MGAT5: variants seen among roughly 807,000 people sequenced by gnomAD.
MGAT5 encodes alpha-1,6-mannosylglycoprotein 6-beta-N-acetylglucosaminyltransferase, also known as alpha-1,6-mannosylglycoprotein 6-beta-N-acetylglucosaminyltransferase A.
MGAT5 carries 30 observed loss-of-function variants against 94.3 expected under a neutral mutation model. The observed-to-expected ratio is 0.32, with a 90% CI of 0.24 to 0.43. MGAT5 has a LOEUF of 0.43. Among genes scored for constraint, MGAT5 ranks in the 20% least tolerant of loss-of-function variants. MGAT5 has a pLI of 1.00. For synonymous variants in MGAT5, 310 were observed against 322.9 expected (o/e 0.96, Z 0.43); for missense variants, 691 against 905.5 (o/e 0.76, Z 3.04).
chr2:134,150,063 G>A (rs901921416), intron 1 of MGAT5, among the ~76,000 whole-genome samples: 1 of 152,142 alleles, frequency 6.6e-6, no homozygotes, highest in Non-Finnish European at 1.5e-5. Context: ...TGTATACAGG[G>A]GTCAGCTGGT....
chr2:134,188,021 G>A (rs553739379), intron 1 of MGAT5, among the ~76,000 whole-genome samples: 1 of 152,328 alleles, frequency 6.6e-6, no homozygotes, highest in African/African-American at 2.4e-5. Context: ...AGTGAAATTT[G>A]TCACTTTTAT....
intron 10 of MGAT5, among the ~76,000 whole-genome samples, chr2:134,372,251 G>A (rs764996124): frequency 3.9e-5 from 6 of 152,136 alleles, no homozygotes; most frequent in Non-Finnish European, 7.3e-5. Flanking sequence ...TTTTACCTCG[G>A]TTGCATCCAG....
At chr2:134,190,547 C>T (rs930948076) in intron 1 of MGAT5, among the ~76,000 whole-genome samples, 1 of 152,214 alleles carries the variant, frequency 6.6e-6, no homozygotes. Context: ...ACTAGCATTA[C>T]TCCAAAGGAC....
At chr2:134,308,372 G>A (rs7573104) in intron 2 of MGAT5, among the ~76,000 whole-genome samples, 86,101 of 152,014 alleles carry the variant, frequency 0.57, 26,642 homozygotes, top group Non-Finnish European at 0.69. Flanking sequence ...TAATCCAGTA[G>A]TGAGCAGTCC....
rs990567259 is a variant in MGAT5, at chr2:134,268,573, A to G, written c.242-1813A>G. ...GCAGACCGCAGAGGAGAGTGCTCTC[A>G]TGACCCCTTGGATAAAGCAGTGAAG... On this transcript the variant is annotated intron_variant, in intron 1 of 15. Coordinates refer to ENST00000281923, the MANE Select transcript of MGAT5 (RefSeq NM_002410.5). This position sits in a 1 kb window ranked among gnomAD's most constrained non-coding sequence, Gnocchi z 4.1. Among the ~76,000 whole-genome samples the G allele has an allele frequency of 6.6e-6, 1 of 152,218 alleles. No individual in the cohort carries two copies. The highest frequency in any genetic ancestry group is 2.4e-5 in the African/African-American group (1 of 41,456).
chr2:134,432,762 A>G (rs1684954055), intron 14 of MGAT5, among the ~76,000 whole-genome samples: 1 of 152,206 alleles, frequency 6.6e-6, no homozygotes, highest in Non-Finnish European at 1.5e-5. Context: ...TCTTCTGAGA[A>G]ATAGGGATAA....
At position 134,296,598 on chromosome 2, in the gene MGAT5, T is replaced by C. The variant is rs1685688370; in HGVS notation, c.407-20931T>C. ...ACTTTCCTTAGTCTTATAAAGTACA[T>C]AAGAGACAGTAAAAAATAGAAAATC... On this transcript the variant is annotated intron_variant, in intron 2 of 15. Coordinates refer to ENST00000281923, the MANE Select transcript of MGAT5 (RefSeq NM_002410.5). Among the ~76,000 whole-genome samples the C allele has an allele frequency of 3.3e-5, 5 of 152,252 alleles. No homozygotes were observed. The South Asian group carries it at 8.3e-4, about 25-fold the overall frequency.
chr2:134,244,325 T>A (rs930321656), intron 1 of MGAT5, among the ~76,000 whole-genome samples: 65 of 151,962 alleles, frequency 4.3e-4, no homozygotes, highest in African/African-American at 1.6e-3. Flanking sequence ...TTAATGGCTG[T>A]CTGATGAAGC....
In MGAT5 at chr2:134,441,934, G is replaced by C. The variant is rs575511196; in HGVS notation, c.2027+19G>C. 1.9e-6 allele frequency: 3 copies of C among 1,608,498 alleles called. No individual in the cohort carries two copies. Among genetic ancestry groups the C allele is most frequent in the African/African-American group, 1.3e-5 (1 of 74,924 alleles). Reference sequence around the variant, plus strand: ...TGCTGAAGTAAGTGCCCTGGGGTGGGGGTGGGGACTCAGCCCCTAGACTCC... The same window carrying C: ...TGCTGAAGTAAGTGCCCTGGGGTGGCGGTGGGGACTCAGCCCCTAGACTCC... On this transcript the variant is annotated intron_variant, in intron 15 of 15. Coordinates refer to ENST00000281923, the MANE Select transcript of MGAT5 (RefSeq NM_002410.5).
intron 1 of MGAT5, among the ~76,000 whole-genome samples, chr2:134,247,268 C>G (rs1236474979): frequency 6.8e-6 from 1 of 146,108 alleles, no homozygotes; most frequent in Non-Finnish European, 1.5e-5. Flanking sequence ...CTTGGAACTT[C>G]AAGATATGTG....
intron 1 of MGAT5, among the ~76,000 whole-genome samples, chr2:134,152,751 A>C (rs977584113): frequency 2.6e-5 from 4 of 152,218 alleles, no homozygotes; most frequent in Non-Finnish European, 4.4e-5. Flanking sequence ...AAAGAAAAGT[A>C]TGAATCGTTC....
chr2:134,270,332 GA>G (rs1683953252), intron 1 of MGAT5, 53 bp from the exon 2 acceptor site: 35 of 1,534,570 alleles, frequency 2.3e-5, no homozygotes, highest in Non-Finnish European at 2.9e-5. Context: ...GAGCAAGCCA[GA>G]CAGATATGTA....
At chr2:134,438,860 A>G (rs1685317742) in intron 14 of MGAT5, among the ~76,000 whole-genome samples, 1 of 152,114 alleles carries the variant, frequency 6.6e-6, no homozygotes. Flanking sequence ...TCCCTCAATA[A>G]TCCAATATGT....
chr2:134,220,221 C>T (rs771775375), intron 1 of MGAT5, among the ~76,000 whole-genome samples: 7 of 152,154 alleles, frequency 4.6e-5, no homozygotes, highest in African/African-American at 7.2e-5. Context: ...ACTAGTTCTT[C>T]GCCAGCCTCT....
intron 4 of MGAT5, among the ~76,000 whole-genome samples, chr2:134,328,525 G>A (rs2105942139): frequency 6.6e-6 from 1 of 152,164 alleles, no homozygotes; most frequent in African/African-American, 2.4e-5. Context: ...AATAAAATGA[G>A]AACAGTAAAG....
At chr2:134,340,736 A>G (rs1688574850) in intron 6 of MGAT5, among the ~76,000 whole-genome samples, 1 of 152,170 alleles carries the variant, frequency 6.6e-6, no homozygotes, top group Non-Finnish European at 1.5e-5. Context: ...GAATGGTAAA[A>G]TATCATCATT....
At chr2:134,270,157 T>C (rs752838192) in intron 1 of MGAT5, among the ~76,000 whole-genome samples, 1 of 152,260 alleles carries the variant, frequency 6.6e-6, no homozygotes. Context: ...GAAATAGTTA[T>C]ACCATGTTAC....
chr2:134,201,112 T>C (rs551607785), intron 1 of MGAT5, among the ~76,000 whole-genome samples: 8 of 152,070 alleles, frequency 5.3e-5, no homozygotes, highest in African/African-American at 1.7e-4. Context: ...ATACCTTTAT[T>C]AAGGATGCCC....
intron 1 of MGAT5, among the ~76,000 whole-genome samples, chr2:134,185,574 C>A (rs1468866001): frequency 6.6e-6 from 1 of 152,166 alleles, no homozygotes; most frequent in Non-Finnish European, 1.5e-5. Flanking sequence ...TATCTTGTTT[C>A]ATTTCTGCAG....
Sources: gnomAD v4.1 joint callset for allele counts (sites outside exome capture counted in the v4.1 genomes callset) on GRCh38, gnomAD v4.1.1 for gene constraint, Gnocchi (gnomAD v3.1) non-coding constraint, MANE v1.5 for transcripts, NCBI Gene and HGNC (gene_info 2026-07-23, HGNC 2026-07-21) for gene names.